The following TMEM132B variants were observed in gnomAD, a reference collection of about 807,000 sequenced individuals.
The protein encoded by TMEM132B is transmembrane protein 132B.
In TMEM132B, 18 loss-of-function variants were observed where a neutral mutation model predicts 90.8. The observed-to-expected ratio is 0.20, with a 90% CI of 0.14 to 0.29. TMEM132B has a LOEUF of 0.29. TMEM132B is among the 10% of genes least tolerant of loss of function. TMEM132B has a pLI of 1.00. For missense variants in TMEM132B, 1,096 were observed against 1,326.8 expected (o/e 0.83, Z 2.70); for synonymous variants, 504 against 523.3 (o/e 0.96, Z 0.50).
Position 125,406,374 on chromosome 12 carries a change from G to C in TMEM132B, c.960-9157G>C, listed in dbSNP as rs1029016891. Among the ~76,000 whole-genome samples the C allele has an allele frequency of 1.3e-5, 2 of 152,208 alleles. No homozygotes were observed. The highest frequency in any genetic ancestry group is 2.9e-5 in the Non-Finnish European group (2 of 68,040). On this transcript the variant is annotated intron_variant, in intron 2 of 8. Transcript: ENST00000682704. This position sits in a 1 kb window ranked among gnomAD's most constrained non-coding sequence, Gnocchi z 8.3. Reference sequence around the variant, plus strand: ...TTAGCAGTGCAAGGCGGAGGACAGTGCCTGGCTTCTAGAAGGGGCTTGAGA... The same window carrying C: ...TTAGCAGTGCAAGGCGGAGGACAGTCCCTGGCTTCTAGAAGGGGCTTGAGA...
At chr12:125,591,631 G>C (rs1285900357) in intron 5 of TMEM132B, among the ~76,000 whole-genome samples, 1 of 152,180 alleles carries the variant, frequency 6.6e-6, no homozygotes, top group Non-Finnish European at 1.5e-5. Context: ...TCGCAGTTCT[G>C]GAGGCCAGAA....
chr12:125,454,599 A>G (rs1415134604), intron 3 of TMEM132B, among the ~76,000 whole-genome samples: 3 of 152,236 alleles, frequency 2.0e-5, no homozygotes, highest in Admixed American at 1.3e-4. Flanking sequence ...CGCTCAAAAG[A>G]GAAAACATTT....
At chr12:125,239,020 T>C (rs964651477) in intron 1 of TMEM132B, among the ~76,000 whole-genome samples, 3 of 152,266 alleles carry the variant, frequency 2.0e-5, no homozygotes, top group Non-Finnish European at 4.4e-5. Context: ...GTAACTATTA[T>C]GGTAATAACG....
intron 5 of TMEM132B, among the ~76,000 whole-genome samples, chr12:125,620,142 T>A (rs1010832969): frequency 6.6e-6 from 1 of 152,206 alleles, no homozygotes; most frequent in African/African-American, 2.4e-5. Context: ...AGGAAATACA[T>A]CTCTTACTTC....
rs1230651584 is a variant in TMEM132B, at chr12:125,644,008, C to T, written c.1438-68C>T. The T allele has an allele frequency of 2.1e-6, 3 of 1,415,944 alleles. No homozygotes were observed. In the East Asian group the frequency reaches 6.9e-5, roughly 32 times the overall value. 87.7% of individuals were successfully genotyped at this position (1,415,944 alleles called of 1,614,324 possible). A position where few individuals can be genotyped will look rare whatever the true frequency, so the allele number is the denominator to read the frequency against. On this transcript the variant is annotated intron_variant, in intron 5 of 8. Coordinates refer to ENST00000682704, the MANE Select transcript of TMEM132B (RefSeq NM_001366854.1). ...AGAGCTGCTGCAGTTCATGAACTTT[C>T]ACTGTTGTTGTTTTTTCCTTGTGCT...
chr12:125,204,277 G>C (rs1013267266), intron 1 of TMEM132B, among the ~76,000 whole-genome samples: 4 of 140,158 alleles, frequency 2.9e-5, no homozygotes, highest in African/African-American at 1.0e-4. Flanking sequence ...TTTATGTGGA[G>C]TATCTCATGA....
intron 3 of TMEM132B, among the ~76,000 whole-genome samples, chr12:125,426,932 G>A (rs545373074): frequency 1.7e-4 from 26 of 152,326 alleles, no homozygotes; most frequent in South Asian, 1.7e-3. Flanking sequence ...AATGGGTTCC[G>A]TATGGAGAGA....
chr12:125,305,669 C>T (rs748615651), intron 1 of TMEM132B, among the ~76,000 whole-genome samples: 1 of 152,162 alleles, frequency 6.6e-6, no homozygotes, highest in Non-Finnish European at 1.5e-5. Context: ...AATGGAAATA[C>T]ATGCTTTGTG....
At chr12:125,550,880 A>G (rs553858962) in intron 4 of TMEM132B, among the ~76,000 whole-genome samples, 1 of 116,266 alleles carries the variant, frequency 8.6e-6, no homozygotes, top group South Asian at 3.1e-4. Flanking sequence ...GCAAGATCTC[A>G]CTGCAAGAAC....
chr12:125,618,626 C>T lies in TMEM132B; in HGVS notation c.1438-25450C>T, dbSNP rs566733126. 7.9e-5 allele frequency among the ~76,000 whole-genome samples: 12 copies of T among 152,236 alleles called. No homozygotes were observed. The South Asian group carries it at 1.9e-3, about 24-fold the overall frequency. ...GATGCCTCCTTATTTGATGTCTGCC[C>T]TTAGGATGGTTTCCATTTAAATGGT... is the stretch of plus-strand genomic sequence containing the variant. On this transcript the variant is annotated intron_variant, in intron 5 of 8. Transcript: ENST00000682704.
intron 1 of TMEM132B, among the ~76,000 whole-genome samples, chr12:125,216,186 AGGTCAG>A (rs1593044334): frequency 6.6e-6 from 1 of 152,202 alleles, no homozygotes; most frequent in African/African-American, 2.4e-5. Context: ...TGGAAGTTCA[AGGTCAG>A]GGTGCTAGCA....
chr12:125,529,860 C>T (rs963058996), intron 4 of TMEM132B, among the ~76,000 whole-genome samples: 8 of 152,246 alleles, frequency 5.3e-5, no homozygotes, highest in African/African-American at 1.9e-4. Flanking sequence ...TTCCTGCTGC[C>T]TCACCCAAAT....
At position 125,407,598 on chromosome 12, in the gene TMEM132B, T is replaced by C. The variant is rs1462107788; in HGVS notation, c.960-7933T>C. On this transcript the variant is annotated intron_variant, in intron 2 of 8. Transcript: ENST00000682704. This position sits in a 1 kb window ranked among gnomAD's most constrained non-coding sequence, Gnocchi z 6.7. ...ACTTATCTACAGCAGCTAGAATGTC[T>C]CTCTCCCTGGTCCAACCAGGAGGGA... Among the ~76,000 whole-genome samples, 1 of 152,192 alleles carries C rather than the reference T, an allele frequency of 6.6e-6. No homozygotes were observed. The highest frequency in any genetic ancestry group is 1.5e-5 in the Non-Finnish European group (1 of 68,028).
At position 125,209,646 on chromosome 12, in the gene TMEM132B, C is replaced by T. The variant is rs1408194417; in HGVS notation, c.67+22780C>T. Among the ~76,000 whole-genome samples the T allele has an allele frequency of 1.3e-5, 2 of 152,234 alleles. No individual in the cohort carries two copies. The highest frequency in any genetic ancestry group is 4.8e-5 in the African/African-American group (2 of 41,458). Reference sequence around the variant, plus strand: ...CGGCCATTGGCCCAGATCACAGGCACCTCTTTGGCAGATGTGGAGTCTGAG... The same window carrying T: ...CGGCCATTGGCCCAGATCACAGGCATCTCTTTGGCAGATGTGGAGTCTGAG... On this transcript the variant is annotated intron_variant, in intron 1 of 8. Coordinates refer to ENST00000682704, the MANE Select transcript of TMEM132B (RefSeq NM_001366854.1). The surrounding 1 kb of genome is among the most constrained non-coding windows in gnomAD (Gnocchi z 4.4).
At chr12:125,241,886 C>G (rs1441578824) in intron 1 of TMEM132B, among the ~76,000 whole-genome samples, 3 of 152,124 alleles carry the variant, frequency 2.0e-5, no homozygotes, top group African/African-American at 4.8e-5. Context: ...CTGTGGTCCA[C>G]CTGTTCAAGG....
intron 3 of TMEM132B, among the ~76,000 whole-genome samples, chr12:125,446,760 ACCTCAGGAAGCCACCAAGACTGGTATTGC>A (rs1447318065): frequency 6.6e-6 from 1 of 152,180 alleles, no homozygotes; most frequent in East Asian, 1.9e-4. Flanking sequence ...ATTCTTAACA[ACCTCAGGAAGCCACCAAGACTGGTATTGC>A]AGCCGAATAA....
chr12:125,372,227 C>T (rs2136272283), intron 2 of TMEM132B, among the ~76,000 whole-genome samples: 1 of 152,340 alleles, frequency 6.6e-6, no homozygotes, highest in Middle Eastern at 3.4e-3. Context: ...TGATTATGAG[C>T]TTCTTGCAGA....
At chr12:125,266,670 C>T (rs1004167223) in intron 1 of TMEM132B, among the ~76,000 whole-genome samples, 9 of 152,200 alleles carry the variant, frequency 5.9e-5, no homozygotes, top group African/African-American at 2.2e-4. Flanking sequence ...CTCCACACCA[C>T]ACTTGTAAAA....
chr12:125,636,242 C>T (rs1294771410), intron 5 of TMEM132B, among the ~76,000 whole-genome samples: 2 of 152,062 alleles, frequency 1.3e-5, no homozygotes, highest in African/African-American at 2.4e-5. Context: ...TCCTCTTCCC[C>T]GGGTTTGATT....
Sources: gnomAD v4.1 joint callset for allele counts (sites outside exome capture counted in the v4.1 genomes callset) on GRCh38, gnomAD v4.1.1 for gene constraint, Gnocchi (gnomAD v3.1) non-coding constraint, MANE v1.5 for transcripts, NCBI Gene and HGNC (gene_info 2026-07-23, HGNC 2026-07-21) for gene names.